C1orf21: variants seen among roughly 807,000 people sequenced by gnomAD.
C1orf21 encodes the protein uncharacterized protein C1orf21.
C1orf21 carries 3 observed loss-of-function variants against 18.7 expected under a neutral mutation model. The ratio of observed to expected loss-of-function variants is 0.16; its 90% confidence interval spans 0.07 to 0.42. The LOEUF (loss-of-function observed/expected upper bound fraction) is 0.42, where lower values mean the gene tolerates loss of function less well. C1orf21 is among the 10% of genes least tolerant of loss of function. C1orf21 has a pLI of 0.99. For missense variants in C1orf21, 104 were observed against 143.6 expected, an observed-to-expected ratio of 0.72 and a Z score of 1.41; for synonymous variants, 41 against 46.4, an observed-to-expected ratio of 0.88 and a Z score of 0.47.
chr1:184,526,008 C>T (rs1176057268), intron 3 of C1orf21, among the ~76,000 whole-genome samples: 1 of 152,030 alleles, frequency 6.6e-6, no homozygotes, highest in African/African-American at 2.4e-5. Context: ...CTTTTTAGTT[C>T]TTTAAAAGAT....
At chr1:184,451,880 C>T (rs552438398) in intron 1 of C1orf21, among the ~76,000 whole-genome samples, 1 of 152,276 alleles carries the variant, frequency 6.6e-6, no homozygotes, top group South Asian at 2.1e-4. Flanking sequence ...ACTTAATGAG[C>T]AAATGCTCCA....
At chr1:184,497,366 A>G (rs1420135101) in intron 2 of C1orf21, among the ~76,000 whole-genome samples, 1 of 152,228 alleles carries the variant, frequency 6.6e-6, no homozygotes, top group Non-Finnish European at 1.5e-5. Context: ...GGTGATTCGT[A>G]TCAACTGGAA....
intron 1 of C1orf21, among the ~76,000 whole-genome samples, chr1:184,458,450 A>C (rs1408323244): frequency 6.6e-6 from 1 of 152,198 alleles, no homozygotes; most frequent in Non-Finnish European, 1.5e-5. Context: ...ATTAGATAAA[A>C]GGACTTTTAT....
At chr1:184,614,903 G>A (rs1659797214) in intron 5 of C1orf21, among the ~76,000 whole-genome samples, 1 of 152,204 alleles carries the variant, frequency 6.6e-6, no homozygotes, top group South Asian at 2.1e-4. Context: ...CTCACTTCAT[G>A]CTGTGTGGCC....
intron 3 of C1orf21, among the ~76,000 whole-genome samples, chr1:184,510,532 A>G (rs566466097): frequency 6.6e-6 from 1 of 152,314 alleles, no homozygotes; most frequent in East Asian, 1.9e-4. Flanking sequence ...GACATTTACG[A>G]TGGGCCTCAA....
At chr1:184,413,972 A>G (rs571107503) in intron 1 of C1orf21, among the ~76,000 whole-genome samples, 37 of 152,282 alleles carry the variant, frequency 2.4e-4, no homozygotes, top group African/African-American at 8.9e-4. Flanking sequence ...AGGTAAACCT[A>G]TTGACCATTG....
At chr1:184,389,174 A>G (rs1464732772) in intron 1 of C1orf21, among the ~76,000 whole-genome samples, 1 of 151,910 alleles carries the variant, frequency 6.6e-6, no homozygotes, top group Non-Finnish European at 1.5e-5. Context: ...CCTGCTTCAG[A>G]GAACAGTCCT....
In C1orf21 at chr1:184,626,385, G is replaced by C. The variant is rs1049612337; in HGVS notation, c.*6829G>C. On this transcript the variant is annotated 3_prime_UTR_variant, in exon 6 of 6. Transcript: ENST00000235307. ...AAAGGACTTTCAGGCTGAGAGGATA[G>C]CACAGGACTCAGCCCAAAGGAGGGC... 4 of 152,304 alleles carry C rather than the reference G, an allele frequency of 2.6e-5. No homozygotes were observed. Among genetic ancestry groups the C allele is most frequent in the African/African-American group, 9.7e-5 (4 of 41,444 alleles). The allele number at this position is 152,304 out of a possible 1,614,324, so 9.4% of individuals were successfully genotyped here.
At chr1:184,501,331 C>G (rs1319749726) in intron 2 of C1orf21, among the ~76,000 whole-genome samples, 3 of 152,162 alleles carry the variant, frequency 2.0e-5, no homozygotes, top group Admixed American at 1.3e-4. Context: ...CTGTTCCCCC[C>G]ATTTGCTGTG....
chr1:184,530,074 G>A (rs549180316), intron 3 of C1orf21, among the ~76,000 whole-genome samples: 1 of 152,288 alleles, frequency 6.6e-6, no homozygotes, highest in East Asian at 1.9e-4. Context: ...TTAATGCAAT[G>A]CCTGGTACAT....
At chr1:184,566,713 AG>A in intron 3 of C1orf21, 1 of 381,652 alleles carries the variant, frequency 2.6e-6, no homozygotes, top group Non-Finnish European at 5.3e-6. Flanking sequence ...AAAAGTCAGA[AG>A]AAACCAAGCC....
intron 3 of C1orf21, among the ~76,000 whole-genome samples, chr1:184,583,727 C>T (rs1659314090): frequency 6.6e-6 from 1 of 152,088 alleles, no homozygotes; most frequent in East Asian, 1.9e-4. Flanking sequence ...TTGAGTGGGG[C>T]CTGGGAAACT....
intron 3 of C1orf21, among the ~76,000 whole-genome samples, chr1:184,519,676 A>T (rs941851383): frequency 2.0e-5 from 3 of 152,216 alleles, no homozygotes; most frequent in African/African-American, 4.8e-5. Flanking sequence ...GTTGCTAAAA[A>T]TAAAACCACA....
chr1:184,566,674 T>TGGTA (rs1641664905), intron 3 of C1orf21: 1 of 390,724 alleles, frequency 2.6e-6, no homozygotes, highest in Non-Finnish European at 5.1e-6. Flanking sequence ...TTCACCCATG[T>TGGTA]GGTAGCCAAG....
intron 1 of C1orf21, among the ~76,000 whole-genome samples, chr1:184,425,781 T>G (rs776006233): frequency 6.6e-6 from 1 of 152,214 alleles, no homozygotes; most frequent in Non-Finnish European, 1.5e-5. Context: ...CAGAATTAAT[T>G]TTTCTTACCA....
At chr1:184,429,479 A>G (rs932626865) in intron 1 of C1orf21, among the ~76,000 whole-genome samples, 4 of 152,224 alleles carry the variant, frequency 2.6e-5, no homozygotes, top group Non-Finnish European at 5.9e-5. Flanking sequence ...AATTTAGGAA[A>G]GCAGGCAGAC....
intron 2 of C1orf21, among the ~76,000 whole-genome samples, chr1:184,488,440 A>G (rs1463867824): frequency 6.6e-6 from 1 of 152,210 alleles, no homozygotes; most frequent in Non-Finnish European, 1.5e-5. Flanking sequence ...GCACCATGAG[A>G]GGGCTAGAGG....
At chr1:184,591,169 A>G (rs137889879) in intron 4 of C1orf21, among the ~76,000 whole-genome samples, 2 of 152,352 alleles carry the variant, frequency 1.3e-5, no homozygotes, top group East Asian at 3.9e-4. Context: ...CCCCACAGAT[A>G]CCAAGGAACA....
chr1:184,423,865 C>T (rs140613204), intron 1 of C1orf21, among the ~76,000 whole-genome samples: 96 of 148,848 alleles, frequency 6.4e-4, no homozygotes, highest in South Asian at 4.2e-3. Context: ...CATCGTCCAT[C>T]CATCCATCCA....
Sources: gnomAD v4.1 joint callset for allele counts (sites outside exome capture counted in the v4.1 genomes callset) on GRCh38, gnomAD v4.1.1 for gene constraint, MANE v1.5 for transcripts, NCBI Gene and HGNC (gene_info 2026-07-23, HGNC 2026-07-21) for gene names.